Variants in TJP3 observed in about 807,000 individuals in gnomAD.
TJP3 encodes the protein tight junction protein 3, also known as tight junction protein ZO-3.
A neutral mutation model predicts 104.2 loss-of-function variants in TJP3; 85 were observed. That is an observed-to-expected ratio of 0.82 (90% CI 0.68 to 0.98). The LOEUF (loss-of-function observed/expected upper bound fraction) is 0.98, where lower values mean the gene tolerates loss of function less well. Among genes scored for constraint, TJP3 ranks in the 50% least tolerant of loss-of-function variants. The pLI, the probability that TJP3 is intolerant of heterozygous loss-of-function variation, is 0.00. For missense variants in TJP3, 1,367 were observed against 1,322.8 expected (o/e 1.03, Z -0.52); for synonymous variants, 550 against 550.6 (o/e 1.00, Z 0.02).
chr19:3,719,041 A>C (rs1044890626), intron 1 of TJP3, among the ~76,000 whole-genome samples: 2 of 151,576 alleles, frequency 1.3e-5, no homozygotes, highest in Non-Finnish European at 2.9e-5. Context: ...AAAATTAGCC[A>C]CGCGTGGTGG....
chr19:3,715,348 C>T, intron 1 of TJP3, among the ~76,000 whole-genome samples: 1 of 152,152 alleles, frequency 6.6e-6, no homozygotes, highest in South Asian at 2.1e-4. Context: ...CTCGGCCTCC[C>T]AAAGTGCTGG....
In TJP3 at chr19:3,734,434, G is replaced by T; in HGVS notation, c.985G>T (p.Val329Leu). The T allele has an allele frequency of 6.2e-7, 1 of 1,604,228 alleles. No individual in the cohort carries two copies. Among genetic ancestry groups the T allele is most frequent in the Non-Finnish European group, 8.5e-7 (1 of 1,176,554 alleles). Residue 329 changes from valine to leucine, a missense_variant and splice_region_variant, in exon 8 of 21, where the codon GTG (valine) becomes TTG (leucine). Transcript: ENST00000541714. ...CGAGGCCAGCCAGACCGACTCTCCC[G>T]TGTAAGTATCACCCATCGGCCAGAA... ...SPEASQTDSP[V>L]ESPRLRRESS...
At chr19:3,750,454 C>A (rs145782434) in intron 20 of TJP3, 128 bp from the exon 21 acceptor site, 3 of 830,174 alleles carry the variant, frequency 3.6e-6, no homozygotes, top group Non-Finnish European at 5.8e-6. Context: ...CAAGGCCCTA[C>A]CCATGAATGC....
At chr19:3,741,157 C>T (rs111888282) in intron 14 of TJP3, among the ~76,000 whole-genome samples, 5,243 of 152,022 alleles carry the variant, frequency 0.034, 118 homozygotes, top group South Asian at 0.053. Flanking sequence ...CCCATCACCC[C>T]GCCCCCAGCT....
At chr19:3,724,293 T>C (rs2036575086) in intron 1 of TJP3, among the ~76,000 whole-genome samples, 1 of 151,874 alleles carries the variant, frequency 6.6e-6, no homozygotes, top group Non-Finnish European at 1.5e-5. Flanking sequence ...CCTCCCAGGT[T>C]CACGCCATTC....
At chr19:3,708,972 C>G (rs1599138013) in intron 1 of TJP3, among the ~76,000 whole-genome samples, 3 of 152,220 alleles carry the variant, frequency 2.0e-5, no homozygotes, top group East Asian at 3.9e-4. Context: ...GCTGCGACCT[C>G]ACTCATCTCT....
intron 1 of TJP3, among the ~76,000 whole-genome samples, chr19:3,713,197 G>A (rs758782868): frequency 3.3e-5 from 5 of 152,048 alleles, no homozygotes; most frequent in Non-Finnish European, 5.9e-5. Context: ...CTCAAAGGTC[G>A]TTTGGATCTT....
chr19:3,739,425 G>A (rs1415997670), intron 13 of TJP3, among the ~76,000 whole-genome samples: 8 of 152,156 alleles, frequency 5.3e-5, no homozygotes, highest in Non-Finnish European at 1.5e-5. Context: ...GGGAGGCAGA[G>A]GTTACAGTGA....
chr19:3,709,121 A>G (rs2036410686), intron 1 of TJP3, among the ~76,000 whole-genome samples: 1 of 151,890 alleles, frequency 6.6e-6, no homozygotes, highest in Non-Finnish European at 1.5e-5. Flanking sequence ...TTCTTTTGCT[A>G]ATTTTTTTTT....
chr19:3,736,192 C>A lies in TJP3; in HGVS notation c.1155C>A (p.Arg385=), dbSNP rs1368593933. Residue 385 remains arginine (R), a synonymous_variant, in exon 11 of 21, where the codon CGC becomes CGA. Transcript: ENST00000541714. ...ACAGCCCCGACACGCGTGTGGTCCGCTTCCTCAAGGGCAAGAGCATCGGGC... is the reference window on the plus strand; with the variant it reads ...ACAGCCCCGACACGCGTGTGGTCCGATTCCTCAAGGGCAAGAGCATCGGGC... ...RGYSPDTRVV[R]FLKGKSIGLR... 2.5e-6 allele frequency: 4 copies of A among 1,598,954 alleles called. No individual in the cohort carries two copies. The African/African-American group carries it at 5.4e-5, about 21-fold the overall frequency.
chr19:3,716,780 C>CATATATATATAT (rs1255662392), intron 1 of TJP3, among the ~76,000 whole-genome samples: 1 of 103,312 alleles, frequency 9.7e-6, no homozygotes, highest in African/African-American at 3.8e-5. Flanking sequence ...CCAGCTCATA[C>CATATATATATAT]ATATATATAT....
At chr19:3,733,416 A>G (rs1395554944) in intron 6 of TJP3, among the ~76,000 whole-genome samples, 1 of 152,186 alleles carries the variant, frequency 6.6e-6, no homozygotes, top group African/African-American at 2.4e-5. Flanking sequence ...CCTCTTCTCC[A>G]GTTAGAGTTG....
chr19:3,732,058 C>G lies in TJP3; in HGVS notation c.717+20C>G, dbSNP rs1374750998. ...CTACAGGTGAGGCCGGGCTTCTTGT[C>G]CTGAGAGCAGGGAGACAAGGCAGGG... On this transcript the variant is annotated intron_variant, in intron 6 of 20. Transcript: ENST00000541714. The G allele has an allele frequency of 1.2e-6, 2 of 1,603,688 alleles. No homozygotes were observed. The highest frequency in any genetic ancestry group is 1.7e-6 in the Non-Finnish European group (2 of 1,175,226).
At position 3,734,166 on chromosome 19, in the gene TJP3, C is replaced by T. The variant is rs139279982; in HGVS notation, c.878-161C>T. The T allele has an allele frequency of 6.0e-4, 527 of 873,634 alleles. 2 individuals carry two copies. The African/African-American group carries it at 7.9e-3, about 13-fold the overall frequency. The allele number at this position is 873,634 out of a possible 1,614,324, so 54.1% of individuals were successfully genotyped here. A position where few individuals can be genotyped will look rare whatever the true frequency, so the allele number is the denominator to read the frequency against. On this transcript the variant is annotated intron_variant, in intron 7 of 20. Coordinates refer to ENST00000541714, the MANE Select transcript of TJP3 (RefSeq NM_001267560.2). ...CCTCCTGAGTAGCTGGGATTATAGG[C>T]GTGAGCCACCGTGCCCAGCTCCAGA...
At chr19:3,719,164 C>T (rs2036519081) in intron 1 of TJP3, among the ~76,000 whole-genome samples, 1 of 151,942 alleles carries the variant, frequency 6.6e-6, no homozygotes, top group African/African-American at 2.4e-5. Context: ...ACCTGGGTGA[C>T]AGAATGAGTG....
At chr19:3,738,716 C>T in intron 12 of TJP3, 53 bp downstream of exon 12, 1 of 1,515,404 alleles carries the variant, frequency 6.6e-7, no homozygotes. Context: ...GAGGACCTGG[C>T]TGTGTGGCCT....
chr19:3,709,545 G>A (rs1485841321), intron 1 of TJP3, among the ~76,000 whole-genome samples: 2 of 152,264 alleles, frequency 1.3e-5, no homozygotes, highest in Non-Finnish European at 2.9e-5. Context: ...AAGACCAAGG[G>A]AGCTTCCTCG....
intron 18 of TJP3, among the ~76,000 whole-genome samples, 194 bp downstream of exon 18, chr19:3,747,070 G>C (rs1487757311): frequency 6.6e-6 from 1 of 151,966 alleles, no homozygotes; most frequent in Non-Finnish European, 1.5e-5. Context: ...GCTGTTTTTT[G>C]TTGTTTGATT....
Position 3,746,700 on chromosome 19 carries a change from G to A in TJP3, c.2221+5G>A, listed in dbSNP as rs200556939. On this transcript the variant is annotated splice_donor_5th_base_variant and intron_variant, in intron 17 of 20. Transcript: ENST00000541714. This position sits in a 1 kb window ranked among gnomAD's most constrained non-coding sequence, Gnocchi z 4.1. The stretch of plus-strand genomic sequence containing the variant: ...ACAGCAGCCACCTCTTCACAGGTTG[G>A]GGGGTGGGTGTCCCAGGGTAGGCGG... The A allele has an allele frequency of 5.8e-5, 94 of 1,608,848 alleles. No homozygotes were observed. The highest frequency in any genetic ancestry group is 3.3e-5 in the Non-Finnish European group (39 of 1,177,720).
Sources: allele counts gnomAD v4.1 joint callset (sites outside exome capture counted in the v4.1 genomes callset), GRCh38; gene constraint gnomAD v4.1.1; non-coding constraint Gnocchi (gnomAD v3.1); transcripts MANE v1.5; gene names NCBI Gene and HGNC (gene_info 2026-07-23, HGNC 2026-07-21).